NTM: variants seen among roughly 807,000 people sequenced by gnomAD.
The protein encoded by NTM is IgLON family member 2.
NTM carries 13 observed loss-of-function variants against 42.1 expected under a neutral mutation model. The observed-to-expected ratio is 0.31, with a 90% CI of 0.20 to 0.49. The LOEUF (loss-of-function observed/expected upper bound fraction) is 0.49, where lower values mean the gene tolerates loss of function less well. Among genes scored for constraint, NTM ranks in the 20% least tolerant of loss-of-function variants. The probability of loss-of-function intolerance (pLI) is 0.99; values close to 1 mark genes in which losing one functional copy is unlikely to be tolerated. For missense variants in NTM, 373 were observed against 452.8 expected (o/e 0.82, Z 1.60); for synonymous variants, 187 against 179.2 (o/e 1.04, Z -0.35).
chr11:131,542,019 T>C (rs1049794691), intron 1 of NTM, among the ~76,000 whole-genome samples: 1 of 152,208 alleles, frequency 6.6e-6, no homozygotes, highest in African/African-American at 2.4e-5. Context: ...GACTGTTGCC[T>C]CATTTACTGG....
chr11:131,631,628 T>C (rs74766603), intron 1 of NTM, among the ~76,000 whole-genome samples: 7,094 of 152,328 alleles, frequency 0.047, 200 homozygotes, highest in Non-Finnish European at 0.068. Context: ...TATTTTTCCA[T>C]TGGCATTCAC....
chr11:131,450,193 G>A (rs977156786), intron 1 of NTM, among the ~76,000 whole-genome samples: 14 of 152,134 alleles, frequency 9.2e-5, no homozygotes, highest in Admixed American at 6.5e-5. Flanking sequence ...GTCTTCCCAG[G>A]TCCCACCTTC....
chr11:131,911,029 G>T, intron 1 of NTM: 1 of 1,030,184 alleles, frequency 9.7e-7, no homozygotes, highest in Non-Finnish European at 1.2e-6. Context: ...GATGTCCCCC[G>T]TTCGAACTGA....
intron 2 of NTM, among the ~76,000 whole-genome samples, chr11:132,099,828 G>A (rs894527736): frequency 6.6e-6 from 1 of 152,162 alleles, no homozygotes; most frequent in East Asian, 1.9e-4. Flanking sequence ...ACAACTGGTG[G>A]TTTGAACGCC....
chr11:131,510,071 C>A (rs1381905845), intron 1 of NTM, among the ~76,000 whole-genome samples: 1 of 152,006 alleles, frequency 6.6e-6, no homozygotes, highest in African/African-American at 2.4e-5. Flanking sequence ...CCTGGCGGTG[C>A]CTGTGGAGGA....
At chr11:131,557,402 T>G (rs1480220099) in intron 1 of NTM, among the ~76,000 whole-genome samples, 1 of 152,120 alleles carries the variant, frequency 6.6e-6, no homozygotes, top group African/African-American at 2.4e-5. Context: ...CCTGTAAAAG[T>G]AGAGACGTGG....
At chr11:131,836,461 A>G (rs949671579) in intron 1 of NTM, among the ~76,000 whole-genome samples, 15 of 152,228 alleles carry the variant, frequency 9.9e-5, no homozygotes, top group Non-Finnish European at 1.8e-4. Context: ...AACACTGTAT[A>G]TAGACAGTGA....
At chr11:131,788,273 C>A (rs2089596514) in intron 1 of NTM, among the ~76,000 whole-genome samples, 1 of 151,966 alleles carries the variant, frequency 6.6e-6, no homozygotes, top group Admixed American at 6.5e-5. Flanking sequence ...ACTATGCCAA[C>A]TTAAAAAAAT....
chr11:131,835,254 T>C (rs1029361408), intron 1 of NTM, among the ~76,000 whole-genome samples: 12 of 152,198 alleles, frequency 7.9e-5, no homozygotes, highest in African/African-American at 2.9e-4. Context: ...GTGTTGTATG[T>C]GTACCCTGGA....
At chr11:132,266,581 T>A (rs1344780277) in intron 4 of NTM, among the ~76,000 whole-genome samples, 1 of 152,198 alleles carries the variant, frequency 6.6e-6, no homozygotes, top group African/African-American at 2.4e-5. Flanking sequence ...AGTAGCATGA[T>A]CTAAGTTTTA....
intron 4 of NTM, among the ~76,000 whole-genome samples, chr11:132,228,580 C>T (rs369951531): frequency 6.6e-6 from 1 of 152,292 alleles, no homozygotes; most frequent in East Asian, 1.9e-4. Context: ...GAGAGAATAG[C>T]TTCCATCCCT....
At chr11:131,691,716 C>T (rs1423795335) in intron 1 of NTM, among the ~76,000 whole-genome samples, 2 of 152,180 alleles carry the variant, frequency 1.3e-5, no homozygotes, top group African/African-American at 2.4e-5. Context: ...GTGGCGCTGG[C>T]GCGTTCTTTC....
chr11:131,390,312 T>C (rs1478284712), intron 1 of NTM, among the ~76,000 whole-genome samples: 1 of 152,102 alleles, frequency 6.6e-6, no homozygotes, highest in East Asian at 1.9e-4. Flanking sequence ...ATGAGGGATC[T>C]GCCCCCACGA....
chr11:131,797,444 A>G (rs570028080), intron 1 of NTM, among the ~76,000 whole-genome samples: 1 of 152,352 alleles, frequency 6.6e-6, no homozygotes, highest in African/African-American at 2.4e-5. Context: ...GAGTATGACT[A>G]TGGCAACACA....
chr11:131,990,135 G>A (rs1565895833), intron 2 of NTM, among the ~76,000 whole-genome samples: 1 of 151,978 alleles, frequency 6.6e-6, no homozygotes, highest in East Asian at 1.9e-4. Flanking sequence ...TACATTTTAT[G>A]GAGAAGAAAA....
intron 2 of NTM, among the ~76,000 whole-genome samples, chr11:131,943,841 C>A (rs772494114): frequency 4.6e-5 from 7 of 152,274 alleles, no homozygotes; most frequent in Admixed American, 6.5e-5. Flanking sequence ...TGATCATCCC[C>A]CACACATCCA....
intron 1 of NTM, among the ~76,000 whole-genome samples, chr11:131,525,368 G>A (rs1565600216): frequency 6.6e-6 from 1 of 152,212 alleles, no homozygotes; most frequent in East Asian, 1.9e-4. Context: ...GTCAGCTGCT[G>A]TTGACCAGTG....
At chr11:131,751,099 A>G (rs2082441117) in intron 1 of NTM, among the ~76,000 whole-genome samples, 1 of 152,068 alleles carries the variant, frequency 6.6e-6, no homozygotes, top group East Asian at 1.9e-4. Context: ...CTTATTGCCT[A>G]TCCCCTGATA....
At chr11:131,429,819 A>T (rs1948504572) in intron 1 of NTM, among the ~76,000 whole-genome samples, 1 of 152,176 alleles carries the variant, frequency 6.6e-6, no homozygotes, top group African/African-American at 2.4e-5. Flanking sequence ...CATACCATAA[A>T]CGTTTCCTGG....
Sources: gnomAD v4.1 joint callset for allele counts (sites outside exome capture counted in the v4.1 genomes callset) on GRCh38, gnomAD v4.1.1 for gene constraint, MANE v1.5 for transcripts, NCBI Gene and HGNC (gene_info 2026-07-23, HGNC 2026-07-21) for gene names.